The following FBXO27 variants were observed in gnomAD, a reference collection of about 807,000 sequenced individuals.
The protein encoded by FBXO27 is F-box protein 27, also known as F-box only protein 27.
In FBXO27, 28 loss-of-function variants were observed where a neutral mutation model predicts 28.3. The ratio of observed to expected loss-of-function variants is 0.99; its 90% CI spans 0.73 to 1.36. The LOEUF (loss-of-function observed/expected upper bound fraction) is 1.36, where lower values mean the gene tolerates loss of function less well. FBXO27 is among the 40% of genes most tolerant of loss of function. FBXO27 has a pLI of 0.00. For synonymous variants in FBXO27, 175 were observed against 167.3 expected (o/e 1.05, Z -0.36); for missense variants, 388 against 394.1 (o/e 0.98, Z 0.13).
rs2144899703 is a variant in FBXO27, at chr19:39,026,931, A to G, written c.647T>C (p.Leu216Pro). 6.2e-7 allele frequency: 1 copy of G among 1,614,214 alleles called. No individual in the cohort carries two copies. The highest frequency in any genetic ancestry group is 2.2e-5 in the East Asian group (1 of 44,892). The change falls in exon 5 of 6, where the codon CTA becomes CCA. Residue 216 changes from leucine (L) to proline (P), a missense_variant. Leu to Pro is a moderately conservative substitution (Grantham distance 98). Coordinates refer to ENST00000292853, the MANE Select transcript of FBXO27 (RefSeq NM_178820.5). Reference sequence around the variant, plus strand: ...ATCAGGCACAGCAGAGAATTTATCTAGAACAGTCTGGTTGGCGTCTAGAAG... The same window carrying G: ...ATCAGGCACAGCAGAGAATTTATCTGGAACAGTCTGGTTGGCGTCTAGAAG... ...VQLLDANQTV[L>P]DKFSAVPDPI...
chr19:39,013,628 TA>T (rs1042761173), intron 2 of FBXO27, among the ~76,000 whole-genome samples: 17 of 150,014 alleles, frequency 1.1e-4, no homozygotes, highest in Admixed American at 2.7e-4. Context: ...AGACTCCGTC[TA>T]AAAAAAAATT....
In FBXO27 at chr19:39,025,560, G is replaced by A. The variant is rs914921561; in HGVS notation, c.709-6C>T. On this transcript the variant is annotated splice_region_variant and splice_polypyrimidine_tract_variant and intron_variant, in intron 5 of 5. Coordinates refer to ENST00000292853, the MANE Select transcript of FBXO27 (RefSeq NM_178820.5). ...TTGGAGAACACGTGGGTGACCTGTAGGCAGAGGAGGGGCTCAGCTCCATTG... is the reference window on the plus strand; with the variant it reads ...TTGGAGAACACGTGGGTGACCTGTAAGCAGAGGAGGGGCTCAGCTCCATTG... 1.2e-6 allele frequency: 2 copies of A among 1,611,818 alleles called. No individual in the cohort carries two copies. The highest frequency in any genetic ancestry group is 3.3e-5 in the Admixed American group (2 of 59,816).
chr19:39,029,502 T>C (rs2072891108), intron 4 of FBXO27, among the ~76,000 whole-genome samples: 1 of 151,058 alleles, frequency 6.6e-6, no homozygotes, highest in Non-Finnish European at 1.5e-5. Flanking sequence ...TCCCCAGTAG[T>C]CCTTACATCT....
intron 2 of FBXO27, among the ~76,000 whole-genome samples, chr19:39,010,316 T>G (rs560151242): frequency 6.6e-6 from 1 of 152,228 alleles, no homozygotes; most frequent in South Asian, 2.1e-4. Flanking sequence ...GGGGCCCAGT[T>G]GCACTCCTTT....
chr19:39,014,534 G>A (rs976575409), exon 2 of FBXO27: 1 of 151,910 alleles, frequency 6.6e-6, no homozygotes, highest in Non-Finnish European at 1.5e-5. Flanking sequence ...AGGCAACATA[G>A]TGAAACTGTG....
Position 39,032,373 on chromosome 19 carries a change from A to G in FBXO27, c.-26-120T>C. 1 of 1,194,104 alleles carries G rather than the reference A, an allele frequency of 8.4e-7. No individual in the cohort carries two copies. Among genetic ancestry groups the G allele is most frequent in the South Asian group, 1.9e-5 (1 of 53,150 alleles). The allele number at this position is 1,194,104 out of a possible 1,614,324, so 74.0% of individuals were successfully genotyped here. A position where few individuals can be genotyped will look rare whatever the true frequency, so the allele number is the denominator to read the frequency against. On this transcript the variant is annotated intron_variant, in intron 1 of 5. Coordinates refer to ENST00000292853, the MANE Select transcript of FBXO27 (RefSeq NM_178820.5). This position sits in a 1 kb window ranked among gnomAD's most constrained non-coding sequence, Gnocchi z 4.7. Reference sequence around the variant, plus strand: ...TCACCATCCCTGGGCCCCGTCCCCAAGTCCCCATCCCCCAGCCCGTCCTTG... The same window carrying G: ...TCACCATCCCTGGGCCCCGTCCCCAGGTCCCCATCCCCCAGCCCGTCCTTG...
chr19:39,030,326 G>C (rs1411810556), intron 4 of FBXO27: 1 of 152,326 alleles, frequency 6.6e-6, no homozygotes, highest in African/African-American at 2.4e-5. Flanking sequence ...GGAAACAGAG[G>C]TATGCTGTGA....
Position 39,026,852 on chromosome 19 carries a change from C to A in FBXO27, c.708+18G>T, listed in dbSNP as rs184709601. 9.9e-6 allele frequency: 16 copies of A among 1,613,728 alleles called. No individual in the cohort carries two copies. In the East Asian group the frequency reaches 2.9e-4, roughly 29 times the overall value. On this transcript the variant is annotated intron_variant, in intron 5 of 5. Coordinates refer to ENST00000292853, the MANE Select transcript of FBXO27 (RefSeq NM_178820.5). Reference sequence around the variant, plus strand: ...AGGCCCCCAGCATCCTTTCCCCAAACCCCCATAGGAGACTCACGTGAAGGC... The same window carrying A: ...AGGCCCCCAGCATCCTTTCCCCAAAACCCCATAGGAGACTCACGTGAAGGC...
intron 4 of FBXO27, among the ~76,000 whole-genome samples, chr19:39,027,878 T>C (rs2072881712): frequency 6.6e-6 from 1 of 152,162 alleles, no homozygotes; most frequent in African/African-American, 2.4e-5. Flanking sequence ...TGACATATCA[T>C]GTCAGAAGCG....
At chr19:39,031,530 C>A in intron 2 of FBXO27, 1 of 618,386 alleles carries the variant, frequency 1.6e-6, no homozygotes, top group Non-Finnish European at 2.8e-6. Flanking sequence ...AAAGCCCTGC[C>A]CCTCCAACCC....
chr19:39,028,582 G>T (rs1251688806), intron 4 of FBXO27, among the ~76,000 whole-genome samples: 1 of 151,580 alleles, frequency 6.6e-6, no homozygotes, highest in East Asian at 1.9e-4. Context: ...AGAAAATATG[G>T]CTGGGCATGG....
Position 39,032,029 on chromosome 19 carries a change from A to C in FBXO27, c.199T>G (p.Trp67Gly). The change falls in exon 2 of 6, where the codon TGG (tryptophan) becomes GGG (glycine). Residue 67 changes from tryptophan (W) to glycine (G), a missense_variant. By Grantham distance (184) the Trp-to-Gly change is radical. Coordinates refer to ENST00000292853, the MANE Select transcript of FBXO27 (RefSeq NM_178820.5). This position sits in a 1 kb window ranked among gnomAD's most constrained non-coding sequence, Gnocchi z 4.7. The part of the protein sequence containing the change: ...WRALVDGQAL[W>G]LLILARDHGA... ...TGGTCGCGGGCCAGGATCAGCAGCC[A>C]CAGGGCCTGGCCGTCCACCAGGGCT... 2 of 1,529,144 alleles carry C rather than the reference A, an allele frequency of 1.3e-6. No homozygotes were observed. The highest frequency in any genetic ancestry group is 1.7e-6 in the Non-Finnish European group (2 of 1,144,352). The allele number at this position is 1,529,144 out of a possible 1,614,324, so 94.7% of individuals were successfully genotyped here.
At chr19:39,020,557 T>G (rs1309307455), downstream of FBXO27, among the ~76,000 whole-genome samples, 1 of 152,044 alleles carries the variant, frequency 6.6e-6, no homozygotes, top group Non-Finnish European at 1.5e-5. Context: ...AAGAAAAGCC[T>G]GATGTAGAGA....
chr19:39,031,757 T>TG, intron 2 of FBXO27, 107 bp downstream of exon 2: 2 of 1,064,440 alleles, frequency 1.9e-6, no homozygotes, highest in Non-Finnish European at 2.3e-6. Context: ...ACTGCGGCCC[T>TG]GCCCCTGCGG....
At chr19:39,015,512 G>A (rs1388424544) in intron 1 of FBXO27, among the ~76,000 whole-genome samples, 2 of 147,772 alleles carry the variant, frequency 1.4e-5, no homozygotes, top group African/African-American at 2.5e-5. Flanking sequence ...CTGTAGTCCC[G>A]GCTACTTGGG....
intron 4 of FBXO27, chr19:39,030,624 C>CTTTCT (rs1555758853): frequency 1.4e-3 from 258 of 183,264 alleles, no homozygotes; most frequent in South Asian, 3.0e-3. Context: ...TCTTTTCTTT[C>CTTTCT]TTTTTTTTTT....
Position 39,025,253 on chromosome 19 carries a change from C to A in FBXO27, c.*158G>T, listed in dbSNP as rs1217780171. ...AAGCTTCTTCTGGTAGTTTCTAGAACCTGAAGACAGGGCCCGTCAGGGCCT... is the reference window on the plus strand; with the variant it reads ...AAGCTTCTTCTGGTAGTTTCTAGAAACTGAAGACAGGGCCCGTCAGGGCCT... On this transcript the variant is annotated 3_prime_UTR_variant, in exon 6 of 6. Coordinates refer to ENST00000292853, the MANE Select transcript of FBXO27 (RefSeq NM_178820.5). 4.1e-6 allele frequency: 4 copies of A among 974,168 alleles called. No homozygotes were observed. The Admixed American group carries it at 1.0e-4, about 25-fold the overall frequency. 60.3% of individuals were successfully genotyped at this position (974,168 alleles called of 1,614,324 possible).
Position 39,025,203 on chromosome 19 carries a change from C to T in FBXO27, c.*208G>A, listed in dbSNP as rs1042655112. ...GTAGGGCCCCCCCGCAAAGCAGCAG[C>T]TGCAGTAGGTAGATAAGATGGAAGA... is the stretch of plus-strand genomic sequence containing the variant. On this transcript the variant is annotated 3_prime_UTR_variant, in exon 6 of 6. Transcript: ENST00000292853. 6.6e-5 allele frequency: 40 copies of T among 608,548 alleles called. No individual in the cohort carries two copies. In the Admixed American group the frequency reaches 1.3e-3, roughly 19 times the overall value. 37.7% of individuals were successfully genotyped at this position (608,548 alleles called of 1,614,324 possible). A position where few individuals can be genotyped will look rare whatever the true frequency, so the allele number is the denominator to read the frequency against.
In FBXO27 at chr19:39,025,205, G is replaced by A; in HGVS notation, c.*206C>T. 1.6e-6 allele frequency: 1 copy of A among 619,516 alleles called. No individual in the cohort carries two copies. Among genetic ancestry groups the A allele is most frequent in the Non-Finnish European group, 2.7e-6 (1 of 376,266 alleles). The allele number at this position is 619,516 out of a possible 1,614,324, so 38.4% of individuals were successfully genotyped here. A position where few individuals can be genotyped will look rare whatever the true frequency, so the allele number is the denominator to read the frequency against. On this transcript the variant is annotated 3_prime_UTR_variant, in exon 6 of 6. Transcript: ENST00000292853. ...AGGGCCCCCCCGCAAAGCAGCAGCT[G>A]CAGTAGGTAGATAAGATGGAAGAAG...
Sources: allele counts gnomAD v4.1 joint callset (sites outside exome capture counted in the v4.1 genomes callset), GRCh38; gene constraint gnomAD v4.1.1; non-coding constraint Gnocchi (gnomAD v3.1); transcripts MANE v1.5; gene names NCBI Gene and HGNC (gene_info 2026-07-23, HGNC 2026-07-21).